The following SUPT16H variants were observed in gnomAD, a reference collection of about 807,000 sequenced individuals.
SUPT16H encodes the protein SPT16 homolog, facilitates chromatin remodeling subunit, also known as FACT complex subunit SPT16.
A neutral mutation model predicts 136.2 loss-of-function variants in SUPT16H; 24 were observed. The ratio of observed to expected loss-of-function variants is 0.18; its 90% CI spans 0.13 to 0.25. The LOEUF is 0.25. Ranked by LOEUF, SUPT16H falls within the 10% of genes least tolerant of loss-of-function variation. SUPT16H has a pLI of 1.00. For synonymous variants in SUPT16H, 415 were observed against 428.2 expected, an observed-to-expected ratio of 0.97 and a Z score of 0.38; for missense variants, 623 against 1,270.2, an observed-to-expected ratio of 0.49 and a Z score of 7.74.
At chr14:21,377,197 T>G (rs1253744877) in intron 1 of SUPT16H, among the ~76,000 whole-genome samples, 1 of 151,080 alleles carries the variant, frequency 6.6e-6, no homozygotes, top group Non-Finnish European at 1.5e-5. Flanking sequence ...ACCAAAATGA[T>G]CAAATAATGC....
Position 21,368,453 on chromosome 14 carries a change from C to G in SUPT16H, c.783-12G>C, listed in dbSNP as rs61971521. On this transcript the variant is annotated splice_polypyrimidine_tract_variant and intron_variant, in intron 6 of 25. Coordinates refer to ENST00000216297, the MANE Select transcript of SUPT16H (RefSeq NM_007192.4). ...TATGATTCTTGTCACTAGAGACCAA[C>G]AAAGAAAGAAAACATTTCATTACCA... is the stretch of plus-strand genomic sequence containing the variant. 6.3e-6 allele frequency: 10 copies of G among 1,580,174 alleles called. No individual in the cohort carries two copies. Among genetic ancestry groups the G allele is most frequent in the African/African-American group, 2.7e-5 (2 of 73,212 alleles).
At chr14:21,361,030 T>C in intron 16 of SUPT16H, 48 bp downstream of exon 16, 2 of 1,611,060 alleles carry the variant, frequency 1.2e-6, no homozygotes, top group African/African-American at 1.3e-5. Context: ...CTCCAAAAAA[T>C]ACATGTCCTT....
intron 1 of SUPT16H, chr14:21,383,615 C>T (rs1887094054): frequency 1.4e-6 from 1 of 703,782 alleles, no homozygotes; most frequent in Admixed American, 2.0e-5. Context: ...AGAGGTGCTG[C>T]TATGCATGAC....
intron 1 of SUPT16H, 64 bp from the exon 2 acceptor site, chr14:21,373,494 A>T (rs751353919): frequency 4.1e-5 from 48 of 1,167,280 alleles, no homozygotes; most frequent in South Asian, 2.3e-4. Flanking sequence ...ACAGCCTTCA[A>T]TATTTATCTA....
rs1886291966 is a variant in SUPT16H at position 21,351,563 on chromosome 14, G to GA, written c.*1109dup. On this transcript the variant is annotated 3_prime_UTR_variant, in exon 26 of 26. Coordinates refer to ENST00000216297, the MANE Select transcript of SUPT16H (RefSeq NM_007192.4). The stretch of plus-strand genomic sequence containing the variant: ...AAATATCAAGTCCTACTGCTAAGGA[G>GA]AAAAAACAAACAAACATAAAATCCG... 5.6e-6 allele frequency: 1 copy of GA among 178,230 alleles called. No homozygotes were observed. The highest frequency in any genetic ancestry group is 6.2e-5 in the Admixed American group (1 of 16,154). 11.0% of individuals were successfully genotyped at this position (178,230 alleles called of 1,614,324 possible). A position where few individuals can be genotyped will look rare whatever the true frequency, so the allele number is the denominator to read the frequency against.
intron 23 of SUPT16H, among the ~76,000 whole-genome samples, chr14:21,354,104 G>A (rs1362240432): frequency 1.3e-5 from 2 of 152,076 alleles, no homozygotes; most frequent in South Asian, 2.1e-4. Flanking sequence ...CTGTATTTAC[G>A]TATCACACAA....
At position 21,383,979 on chromosome 14, in the gene SUPT16H, C is replaced by G; in HGVS notation, c.-52G>C. 1 of 1,605,816 alleles carries G rather than the reference C, an allele frequency of 6.2e-7. No homozygotes were observed. Among genetic ancestry groups the G allele is most frequent in the Non-Finnish European group, 8.5e-7 (1 of 1,174,220 alleles). ...TTCCGAGAATCACGCGAGGTCCCGGCTCAGCCACCCGCTCTCGGCCCAGGA... is the reference window on the plus strand; with the variant it reads ...TTCCGAGAATCACGCGAGGTCCCGGGTCAGCCACCCGCTCTCGGCCCAGGA... On this transcript the variant is annotated 5_prime_UTR_variant, in exon 1 of 26. Coordinates refer to ENST00000216297, the MANE Select transcript of SUPT16H (RefSeq NM_007192.4).
intron 1 of SUPT16H, among the ~76,000 whole-genome samples, chr14:21,376,891 G>C (rs1487332429): frequency 6.6e-6 from 1 of 152,032 alleles, no homozygotes; most frequent in Admixed American, 6.6e-5. Context: ...ACATATTTCA[G>C]TAGCAAGATA....
intron 2 of SUPT16H, 150 bp from the exon 3 acceptor site, chr14:21,372,194 TTAAGCAAGATCG>T (rs1338873210): frequency 1.2e-6 from 1 of 817,924 alleles, no homozygotes; most frequent in Non-Finnish European, 1.8e-6. Context: ...TGGATACAAA[TTAAGCAAGATCG>T]GCCAAGAGTC....
chr14:21,369,101 T>C (rs947818019), intron 6 of SUPT16H, 103 bp downstream of exon 6: 1 of 1,359,728 alleles, frequency 7.4e-7, no homozygotes, highest in Non-Finnish European at 1.0e-6. Flanking sequence ...ATTATATACT[T>C]GTAGCCAAAT....
chr14:21,356,282 G>C (rs1163806030), intron 22 of SUPT16H, among the ~76,000 whole-genome samples: 1 of 152,200 alleles, frequency 6.6e-6, no homozygotes, highest in African/African-American at 2.4e-5. Flanking sequence ...AAGAAGCACT[G>C]GAAAGCAGTA....
At chr14:21,372,099 C>T in intron 2 of SUPT16H, 55 bp from the exon 3 acceptor site, 2 of 1,542,922 alleles carry the variant, frequency 1.3e-6, no homozygotes, top group Non-Finnish European at 1.7e-6. Flanking sequence ...AATTAATGGA[C>T]TCATATAGAT....
In SUPT16H at chr14:21,362,229, A is replaced by G. The variant is rs1886572119; in HGVS notation, c.1761T>C (p.Phe587=). 1 of 1,612,620 alleles carries G rather than the reference A, an allele frequency of 6.2e-7. No homozygotes were observed. Among genetic ancestry groups the G allele is most frequent in the East Asian group, 2.2e-5 (1 of 44,880 alleles). The stretch of plus-strand genomic sequence containing the variant: ...TGACAAAAGTCGCTTCAGGGTTAGG[A>G]AAGATGTTGCCTTCATTCCTGCCCA... ...SALGRNEGNI[F]PNPEATFVKE... is the part of the protein sequence containing the mutation. Residue 587 remains phenylalanine, a synonymous_variant, in exon 15 of 26, where the codon TTT becomes TTC. Coordinates refer to ENST00000216297, the MANE Select transcript of SUPT16H (RefSeq NM_007192.4).
At chr14:21,353,587 G>A (rs372556664) in intron 24 of SUPT16H, 22 bp from the exon 25 acceptor site, 54 of 1,611,608 alleles carry the variant, frequency 3.4e-5, no homozygotes, top group East Asian at 2.7e-4. Flanking sequence ...TTAATTAAGC[G>A]TTAGTCATCA....
intron 1 of SUPT16H, among the ~76,000 whole-genome samples, chr14:21,382,658 T>C (rs542302527): frequency 3.1e-5 from 3 of 97,602 alleles, no homozygotes; most frequent in African/African-American, 6.3e-5. Context: ...CTAACATCGA[T>C]TATGTTTGAA....
chr14:21,375,631 T>TC (rs1180975318), intron 1 of SUPT16H, among the ~76,000 whole-genome samples: 4 of 152,186 alleles, frequency 2.6e-5, no homozygotes, highest in Non-Finnish European at 5.9e-5. Context: ...TCTCACTCTA[T>TC]CCCCCAGGCT....
In SUPT16H at chr14:21,358,405, T is replaced by C; in HGVS notation, c.2324A>G (p.Lys775Arg). ...GAAATTTTTAAAGGCTGTTTTCAGT[T>C]TGTGCCTCATTTCTCGTTCCATCTG... ...AEQMEREMRH[K>R]LKTAFKNFIE... Residue 775 changes from lysine (K) to arginine (R), a missense_variant, in exon 20 of 26, where the codon AAA (lysine) becomes AGA (arginine). Physicochemically the swap from Lys to Arg is conservative, Grantham distance 26 (BLOSUM62 2). Coordinates refer to ENST00000216297, the MANE Select transcript of SUPT16H (RefSeq NM_007192.4). The C allele has an allele frequency of 6.2e-7, 1 of 1,613,522 alleles. No individual in the cohort carries two copies. The highest frequency in any genetic ancestry group is 8.5e-7 in the Non-Finnish European group (1 of 1,179,860).
intron 3 of SUPT16H, 92 bp downstream of exon 3, chr14:21,371,782 C>A (rs1566391632): frequency 6.8e-7 from 1 of 1,468,640 alleles, no homozygotes; most frequent in South Asian, 1.3e-5. Flanking sequence ...ATAATTTCCC[C>A]TGCGCATTCT....
chr14:21,378,252 T>C (rs1204515835), intron 1 of SUPT16H, among the ~76,000 whole-genome samples: 1 of 152,088 alleles, frequency 6.6e-6, no homozygotes, highest in Non-Finnish European at 1.5e-5. Flanking sequence ...AAAAGACTGG[T>C]AACATTATAA....
Sources: gnomAD v4.1 joint callset for allele counts (sites outside exome capture counted in the v4.1 genomes callset) on GRCh38, gnomAD v4.1.1 for gene constraint, MANE v1.5 for transcripts, NCBI Gene and HGNC (gene_info 2026-07-23, HGNC 2026-07-21) for gene names.